CNTN5: variants seen among roughly 807,000 people sequenced by gnomAD.
CNTN5 encodes contactin 5.
A neutral mutation model predicts 129.1 loss-of-function variants in CNTN5; 77 were observed. The ratio of observed to expected loss-of-function variants is 0.60; its 90% CI spans 0.50 to 0.72. CNTN5 has a LOEUF of 0.72. Ranked by LOEUF, CNTN5 falls within the 30% of genes least tolerant of loss-of-function variation. The pLI is 0.00. For missense variants in CNTN5, 1,478 were observed against 1,328.8 expected (o/e 1.11, Z -1.75); for synonymous variants, 509 against 465.6 (o/e 1.09, Z -1.20).
chr11:99,544,859 G>A (rs1027169213), intron 2 of CNTN5, among the ~76,000 whole-genome samples: 4 of 152,094 alleles, frequency 2.6e-5, no homozygotes, highest in Admixed American at 2.6e-4. Flanking sequence ...ATTACTGTGT[G>A]GGGGAAAAAA....
At chr11:100,151,486 A>G (rs555195498) in intron 13 of CNTN5, among the ~76,000 whole-genome samples, 125 of 152,256 alleles carry the variant, frequency 8.2e-4, no homozygotes, top group African/African-American at 2.9e-3. Context: ...TTTTGGGCTC[A>G]AAGTGCAAGC....
intron 9 of CNTN5, among the ~76,000 whole-genome samples, chr11:100,052,096 ATAAT>A (rs1942986035): frequency 6.6e-6 from 1 of 151,948 alleles, no homozygotes; most frequent in African/African-American, 2.4e-5. Flanking sequence ...AGCAATTTAT[ATAAT>A]TAGTCACATG....
At chr11:99,625,917 TATATATACACACACAC>T (rs1279185874) in intron 3 of CNTN5, among the ~76,000 whole-genome samples, 2 of 126,970 alleles carry the variant, frequency 1.6e-5, no homozygotes, top group African/African-American at 2.9e-5. Flanking sequence ...TATATATATA[TATATATACACACACAC>T]ACACACACAC....
chr11:99,142,788 C>T (rs973694189), intron 1 of CNTN5, among the ~76,000 whole-genome samples: 48 of 152,114 alleles, frequency 3.2e-4, no homozygotes, highest in Non-Finnish European at 5.6e-4. Flanking sequence ...TGCTGACTCT[C>T]CTTGCAGCTC....
chr11:99,379,124 T>C (rs968741821), intron 2 of CNTN5, among the ~76,000 whole-genome samples: 1 of 151,508 alleles, frequency 6.6e-6, no homozygotes, highest in Admixed American at 6.6e-5. Context: ...ATTATTTGCC[T>C]CTGCTAACCT....
chr11:100,219,812 T>C (rs1414258662), intron 15 of CNTN5, among the ~76,000 whole-genome samples: 1 of 152,186 alleles, frequency 6.6e-6, no homozygotes, highest in Non-Finnish European at 1.5e-5. Context: ...TGATTAATAG[T>C]TTTACTTCTG....
intron 1 of CNTN5, among the ~76,000 whole-genome samples, chr11:99,111,533 G>A (rs529465732): frequency 4.7e-4 from 72 of 152,080 alleles, no homozygotes; most frequent in African/African-American, 1.5e-3. Context: ...AGAAAATTAC[G>A]GAGTCAGTGG....
intron 2 of CNTN5, among the ~76,000 whole-genome samples, chr11:99,402,029 T>G (rs1183209016): frequency 9.9e-5 from 15 of 152,178 alleles, no homozygotes; most frequent in African/African-American, 3.4e-4. Context: ...GATAATCTGA[T>G]TTCTTTCTTT....
At chr11:99,556,554 A>AATATATATATATATATATATAT (rs199758207) in intron 3 of CNTN5, among the ~76,000 whole-genome samples, 1 of 72,332 alleles carries the variant, frequency 1.4e-5, no homozygotes, top group Non-Finnish European at 2.9e-5. Context: ...AAGGCTTGGA[A>AATATATATATATATATATATAT]ATATATATAT....
chr11:99,037,480 A>C (rs1863794197), intron 1 of CNTN5, among the ~76,000 whole-genome samples: 1 of 151,938 alleles, frequency 6.6e-6, no homozygotes, highest in Non-Finnish European at 1.5e-5. Flanking sequence ...GTACTACCAA[A>C]ACCTATCATT....
chr11:100,129,839 T>TTG (rs71305308), intron 13 of CNTN5, among the ~76,000 whole-genome samples: 21,846 of 150,796 alleles, frequency 0.14, 1,629 homozygotes, highest in African/African-American at 0.17. Flanking sequence ...GTGTGTGTGT[T>TTG]TGTGTGTGTG....
intron 3 of CNTN5, among the ~76,000 whole-genome samples, chr11:99,638,190 G>C (rs1951637009): frequency 6.6e-6 from 1 of 152,102 alleles, no homozygotes; most frequent in Admixed American, 6.5e-5. Context: ...AGAAAATGAG[G>C]AAGCAAAAGC....
chr11:99,043,801 C>A (rs539730656), intron 1 of CNTN5, among the ~76,000 whole-genome samples: 1 of 152,292 alleles, frequency 6.6e-6, no homozygotes, highest in African/African-American at 2.4e-5. Flanking sequence ...ACGGCATTAA[C>A]TAAATATCTC....
intron 1 of CNTN5, among the ~76,000 whole-genome samples, chr11:99,275,475 C>T (rs1409511909): frequency 6.6e-6 from 1 of 151,568 alleles, no homozygotes; most frequent in Non-Finnish European, 1.5e-5. Context: ...AATGGATAAA[C>T]CTACCAATGA....
chr11:99,296,717 AG>A (rs2056085764), intron 1 of CNTN5, among the ~76,000 whole-genome samples: 1 of 152,192 alleles, frequency 6.6e-6, no homozygotes, highest in South Asian at 2.1e-4. Flanking sequence ...CAGGGAGTCC[AG>A]GCTATTAGAG....
chr11:99,418,612 G>T (rs1466252018), intron 2 of CNTN5, among the ~76,000 whole-genome samples: 2 of 152,114 alleles, frequency 1.3e-5, no homozygotes, highest in Admixed American at 6.6e-5. Flanking sequence ...TGATTATTGA[G>T]ACTAACCTGA....
At chr11:99,708,589 T>G (rs1591511304) in intron 3 of CNTN5, among the ~76,000 whole-genome samples, 1 of 151,774 alleles carries the variant, frequency 6.6e-6, no homozygotes, top group African/African-American at 2.4e-5. Context: ...GATCTACTAG[T>G]GCCTAAGCAT....
intron 1 of CNTN5, among the ~76,000 whole-genome samples, chr11:99,026,453 C>G (rs550171421): frequency 5.3e-5 from 8 of 151,554 alleles, no homozygotes; most frequent in African/African-American, 1.7e-4. Context: ...AGAATTGAAA[C>G]TCTAAGCTTC....
intron 13 of CNTN5, among the ~76,000 whole-genome samples, chr11:100,130,729 A>T (rs1384470456): frequency 6.6e-6 from 1 of 152,096 alleles, no homozygotes; most frequent in Non-Finnish European, 1.5e-5. Flanking sequence ...AAGTGTAAGG[A>T]TGAGAGCAGA....
Sources: gnomAD v4.1 joint callset for allele counts (sites outside exome capture counted in the v4.1 genomes callset) on GRCh38, gnomAD v4.1.1 for gene constraint, MANE v1.5 for transcripts, NCBI Gene and HGNC (gene_info 2026-07-23, HGNC 2026-07-21) for gene names.